The following TMEM163 variants were observed in gnomAD, a reference collection of about 807,000 sequenced individuals.
The protein encoded by TMEM163 is transmembrane protein 163.
TMEM163 carries 17 observed loss-of-function variants against 29.3 expected under a neutral mutation model. The observed-to-expected ratio is 0.58, with a 90% confidence interval of 0.40 to 0.87. The LOEUF is 0.87. TMEM163 is among the 40% of genes least tolerant of loss of function. The pLI, the probability that TMEM163 is intolerant of heterozygous loss-of-function variation, is 0.00. For missense variants in TMEM163, 303 were observed against 381.5 expected (o/e 0.79, Z 1.71); for synonymous variants, 157 against 160.6 (o/e 0.98, Z 0.17).
chr2:134,601,104 CTA>C (rs1199134603), intron 2 of TMEM163, among the ~76,000 whole-genome samples: 11 of 151,948 alleles, frequency 7.2e-5, no homozygotes, highest in African/African-American at 2.7e-4. Flanking sequence ...GTCTAGTTAA[CTA>C]TTAAAAATTA....
At chr2:134,531,465 C>T (rs989202947) in intron 4 of TMEM163, among the ~76,000 whole-genome samples, 1 of 152,160 alleles carries the variant, frequency 6.6e-6, no homozygotes, top group Non-Finnish European at 1.5e-5. Flanking sequence ...ACCAGACTGC[C>T]CCACTTCGAA....
intron 2 of TMEM163, among the ~76,000 whole-genome samples, chr2:134,588,681 G>A (rs1574260876): frequency 6.6e-6 from 1 of 152,140 alleles, no homozygotes. Flanking sequence ...ACTAATAGGA[G>A]GTATGCATGG....
chr2:134,657,362 A>T (rs1683644531), intron 2 of TMEM163, among the ~76,000 whole-genome samples: 1 of 152,248 alleles, frequency 6.6e-6, no homozygotes, highest in Non-Finnish European at 1.5e-5. Flanking sequence ...ACAGCCATAG[A>T]AAAGAAGAAA....
In TMEM163 at chr2:134,668,787, AAT is replaced by A. The variant is rs1158119472; in HGVS notation, c.322+44411_322+44412del. Among the ~76,000 whole-genome samples the A allele has an allele frequency of 5.9e-5, 9 of 152,294 alleles. No homozygotes were observed. The East Asian group carries it at 1.5e-3, about 26-fold the overall frequency. On this transcript the variant is annotated intron_variant, in intron 2 of 7. Coordinates refer to ENST00000281924, the MANE Select transcript of TMEM163 (RefSeq NM_030923.5). ...AACCGAGTCACACACACACAAAAAA[AAT>A]CTACGAAGGGGACTAAGCATACATG...
At chr2:134,620,550 C>A (rs923325069) in intron 2 of TMEM163, among the ~76,000 whole-genome samples, 1 of 152,116 alleles carries the variant, frequency 6.6e-6, no homozygotes, top group African/African-American at 2.4e-5. Context: ...AGGCACCACA[C>A]CCGGCTACAC....
At chr2:134,704,469 G>A (rs1684764194) in intron 2 of TMEM163, among the ~76,000 whole-genome samples, 1 of 152,122 alleles carries the variant, frequency 6.6e-6, no homozygotes. Context: ...TCAGCTTCCA[G>A]GTCCGTGTGG....
intron 2 of TMEM163, among the ~76,000 whole-genome samples, chr2:134,609,963 G>A (rs1682461190): frequency 6.6e-6 from 1 of 152,188 alleles, no homozygotes; most frequent in East Asian, 1.9e-4. Flanking sequence ...GCCTACAGGG[G>A]AAGGGGAGGA....
intron 2 of TMEM163, among the ~76,000 whole-genome samples, chr2:134,569,402 T>C (rs767949470): frequency 1.3e-5 from 2 of 152,164 alleles, no homozygotes; most frequent in African/African-American, 2.4e-5. Flanking sequence ...TCAGAACGAC[T>C]TCTTTATCAT....
At chr2:134,713,391 C>G (rs1684971229) in intron 1 of TMEM163, 72 bp from the exon 2 acceptor site, 8 of 1,598,738 alleles carry the variant, frequency 5.0e-6, no homozygotes, top group Non-Finnish European at 6.0e-6. Flanking sequence ...GCTACAATTT[C>G]TTACCCAAAG....
chr2:134,458,011 C>CAGGAAAGCACAA, intron 7 of TMEM163, 21 bp downstream of exon 7: 1 of 1,613,782 alleles, frequency 6.2e-7, no homozygotes, highest in Non-Finnish European at 8.5e-7. Context: ...GGAAAGCAAA[C>CAGGAAAGCACAA]AGGAAAGCAC....
chr2:134,704,141 G>A (rs1266047113), intron 2 of TMEM163, among the ~76,000 whole-genome samples: 4 of 152,080 alleles, frequency 2.6e-5, no homozygotes, highest in Non-Finnish European at 5.9e-5. Context: ...AAGTTCTTCT[G>A]CACCTGCTTC....
intron 5 of TMEM163, among the ~76,000 whole-genome samples, chr2:134,471,271 A>G (rs1686794813): frequency 6.6e-6 from 1 of 152,230 alleles, no homozygotes; most frequent in Non-Finnish European, 1.5e-5. Context: ...ATGTGATAGT[A>G]TTTGGAGAGG....
chr2:134,717,955 A>C (rs1003991858), intron 1 of TMEM163, among the ~76,000 whole-genome samples: 1 of 152,124 alleles, frequency 6.6e-6, no homozygotes, highest in Non-Finnish European at 1.5e-5. Flanking sequence ...TGGGAGGCAG[A>C]GTGTGGTCTC....
intron 5 of TMEM163, among the ~76,000 whole-genome samples, chr2:134,477,007 T>G (rs559116381): frequency 6.6e-6 from 1 of 152,146 alleles, no homozygotes; most frequent in Admixed American, 6.6e-5. Context: ...CCAGGCTGAG[T>G]AGGAACCCTC....
chr2:134,525,092 G>GT (rs2106496666), intron 4 of TMEM163, among the ~76,000 whole-genome samples: 1 of 152,280 alleles, frequency 6.6e-6, no homozygotes, highest in East Asian at 1.9e-4. Flanking sequence ...TTTCATTGTG[G>GT]TTTTAATTTA....
chr2:134,465,096 A>T (rs1404077390), intron 6 of TMEM163, among the ~76,000 whole-genome samples: 2 of 151,688 alleles, frequency 1.3e-5, no homozygotes, highest in African/African-American at 2.4e-5. Flanking sequence ...TCACACCTGT[A>T]ATCCCAGCAC....
At chr2:134,605,842 G>C (rs186596359) in intron 2 of TMEM163, among the ~76,000 whole-genome samples, 1 of 152,312 alleles carries the variant, frequency 6.6e-6, no homozygotes, top group African/African-American at 2.4e-5. Flanking sequence ...ACAATGTATT[G>C]TGTAAGTGAC....
intron 2 of TMEM163, among the ~76,000 whole-genome samples, chr2:134,678,892 T>A (rs1303933847): frequency 6.6e-6 from 1 of 152,260 alleles, no homozygotes; most frequent in African/African-American, 2.4e-5. Context: ...TTAATGAGGC[T>A]CCTGTATGTG....
intron 2 of TMEM163, among the ~76,000 whole-genome samples, chr2:134,622,611 G>A (rs1682764352): frequency 1.3e-5 from 2 of 152,286 alleles, no homozygotes; most frequent in South Asian, 4.1e-4. Context: ...ATGCAGCACA[G>A]ACAGGTCTAT....
Sources: gnomAD v4.1 joint callset for allele counts (sites outside exome capture counted in the v4.1 genomes callset) on GRCh38, gnomAD v4.1.1 for gene constraint, MANE v1.5 for transcripts, NCBI Gene and HGNC (gene_info 2026-07-23, HGNC 2026-07-21) for gene names.